CAPN7: variants seen among roughly 807,000 people sequenced by gnomAD.
The protein encoded by CAPN7 is calpain-7.
In CAPN7, 72 loss-of-function variants were observed where a neutral mutation model predicts 115.2. The ratio of observed to expected loss-of-function variants is 0.63; its 90% CI spans 0.52 to 0.76. CAPN7 has a LOEUF of 0.76. CAPN7 is among the 30% of genes least tolerant of loss of function. The probability of loss-of-function intolerance (pLI) is 0.00; values close to 1 mark genes in which losing one functional copy is unlikely to be tolerated. For synonymous variants in CAPN7, 344 were observed against 322.3 expected, an observed-to-expected ratio of 1.07 and a Z score of -0.72; for missense variants, 905 against 971.5, an observed-to-expected ratio of 0.93 and a Z score of 0.91.
chr3:15,250,490 G>GA (rs1487948148), intron 19 of CAPN7, among the ~76,000 whole-genome samples: 4 of 152,116 alleles, frequency 2.6e-5, no homozygotes, highest in African/African-American at 9.7e-5. Context: ...CCAACATGAT[G>GA]AAACCCCGTC....
rs143579656 is a variant in CAPN7, at chr3:15,242,240, A to C, written c.1851A>C (p.Lys617Asn). The C allele has an allele frequency of 6.3e-7, 1 of 1,594,682 alleles. No homozygotes were observed. Among genetic ancestry groups the C allele is most frequent in the Non-Finnish European group, 8.5e-7 (1 of 1,171,978 alleles). Residue 617 changes from lysine (K) to asparagine (N), a missense_variant, in exon 16 of 21, where the codon AAA becomes AAC. Physicochemically the swap from Lys to Asn is moderately conservative, Grantham distance 94 (BLOSUM62 0). Transcript: ENST00000253693. ...TTGTATACAAGACTGATGGGAAAAA[A>C]GTTTATTACCCAGGTATGTTTAGTA... ...TMVVYKTDGK[K>N]VYYPADPPPY...
chr3:15,222,825 C>A (rs1694081401), intron 5 of CAPN7, among the ~76,000 whole-genome samples: 1 of 152,158 alleles, frequency 6.6e-6, no homozygotes, highest in Admixed American at 6.5e-5. Flanking sequence ...CTATTCCTGA[C>A]TATATTAAGT....
intron 4 of CAPN7, among the ~76,000 whole-genome samples, chr3:15,220,221 A>G (rs1325198395): frequency 6.6e-6 from 1 of 152,086 alleles, no homozygotes; most frequent in Non-Finnish European, 1.5e-5. Context: ...TAAAAAATTT[A>G]AAAAAGAAAT....
chr3:15,247,276 G>T, intron 18 of CAPN7, 51 bp from the exon 19 acceptor site: 5 of 1,253,184 alleles, frequency 4.0e-6, no homozygotes, highest in African/African-American at 3.3e-5. Context: ...TTGTCTTTAA[G>T]TGGAATTGGA....
chr3:15,213,526 T>C lies in CAPN7; in HGVS notation c.211+1314T>C, dbSNP rs556575477. 1.6e-4 allele frequency among the ~76,000 whole-genome samples: 25 copies of C among 152,338 alleles called. No individual in the cohort carries two copies. In the South Asian group the frequency reaches 2.7e-3, roughly 16 times the overall value. ...AGAAAGGAGAGATTATATGGTGATA[T>C]TATTCCAGGAGTAGAATCTCTGGCA... On this transcript the variant is annotated intron_variant, in intron 2 of 20. Coordinates refer to ENST00000253693, the MANE Select transcript of CAPN7 (RefSeq NM_014296.3).
rs566674844 is a variant in CAPN7, at chr3:15,223,479, A to G, written c.643A>G (p.Thr215Ala). The G allele has an allele frequency of 1.2e-6, 2 of 1,601,158 alleles. No homozygotes were observed. The highest frequency in any genetic ancestry group is 2.7e-5 in the African/African-American group (2 of 74,656). ...TTTTTTTCTCGTGTTTGATAGGACA[A>G]CATCAAAAATAAATGGTATAGAATA... is the stretch of plus-strand genomic sequence containing the variant. ...TAEEIEVLRT[T>A]SKINGIEYVP... The change falls in exon 6 of 21, where the codon ACA becomes GCA. Residue 215 changes from threonine to alanine, a missense_variant. Physicochemically the swap from Thr to Ala is moderately conservative, Grantham distance 58. Around this residue, in one of 3 missense-constraint regions of CAPN7, gnomAD observed 14 missense variants for 28.5 expected, o/e 0.49. Coordinates refer to ENST00000253693, the MANE Select transcript of CAPN7 (RefSeq NM_014296.3).
intron 5 of CAPN7, among the ~76,000 whole-genome samples, chr3:15,222,544 T>A (rs1694065362): frequency 6.6e-6 from 1 of 152,218 alleles, no homozygotes; most frequent in Admixed American, 6.5e-5. Flanking sequence ...ATTGTAATTG[T>A]ACTCCTGCTA....
rs772805854 is a variant in CAPN7 at position 15,230,549 on chromosome 3, C to G, written c.1032+14C>G. 6.9e-7 allele frequency: 1 copy of G among 1,441,474 alleles called. No individual in the cohort carries two copies. The allele number at this position is 1,441,474 out of a possible 1,614,324, so 89.3% of individuals were successfully genotyped here. A position where few individuals can be genotyped will look rare whatever the true frequency, so the allele number is the denominator to read the frequency against. ...GTCCCAAGAAAGGTGAATAATGTCT[C>G]TCCCCACTCCCATCCCTTGTCTCTC... On this transcript the variant is annotated intron_variant, in intron 9 of 20. Transcript: ENST00000253693.
chr3:15,210,957 C>G (rs773191956), intron 1 of CAPN7: 92 of 1,143,772 alleles, frequency 8.0e-5, no homozygotes, highest in Non-Finnish European at 9.6e-5. Context: ...CTTTGCTTTT[C>G]TAGGTGGTAG....
Position 15,251,348 on chromosome 3 carries a change from C to A in CAPN7, c.*88C>A. The A allele has an allele frequency of 4.5e-6, 5 of 1,102,156 alleles. No homozygotes were observed. The highest frequency in any genetic ancestry group is 6.5e-6 in the Non-Finnish European group (5 of 765,504). The allele number at this position is 1,102,156 out of a possible 1,614,324, so 68.3% of individuals were successfully genotyped here. A position where few individuals can be genotyped will look rare whatever the true frequency, so the allele number is the denominator to read the frequency against. On this transcript the variant is annotated 3_prime_UTR_variant, in exon 21 of 21. Coordinates refer to ENST00000253693, the MANE Select transcript of CAPN7 (RefSeq NM_014296.3). ...CAAATCTTCAGGACAGTAAGCAGAA[C>A]AATCAGAATGGAATTAAATCTCTAA...
intron 16 of CAPN7, among the ~76,000 whole-genome samples, chr3:15,244,966 AAC>A (rs1695569590): frequency 1.3e-5 from 2 of 152,140 alleles, no homozygotes; most frequent in Non-Finnish European, 1.5e-5. Flanking sequence ...TTATACCAGA[AAC>A]AGTTATTTTT....
At chr3:15,246,580 G>A (rs1695671579) in intron 17 of CAPN7, 152 bp from the exon 18 acceptor site, 1 of 614,576 alleles carries the variant, frequency 1.6e-6, no homozygotes, top group Non-Finnish European at 2.9e-6. Flanking sequence ...TAGCTTCTCA[G>A]TTCCCAGCTC....
chr3:15,208,771 A>T (rs779973317), intron 1 of CAPN7, among the ~76,000 whole-genome samples: 1 of 152,196 alleles, frequency 6.6e-6, no homozygotes, highest in Non-Finnish European at 1.5e-5. Context: ...ATCAAAGGGT[A>T]TGAGCTTCCA....
intron 12 of CAPN7, among the ~76,000 whole-genome samples, chr3:15,237,030 GTA>G (rs1695032659): frequency 6.6e-6 from 1 of 152,152 alleles, no homozygotes; most frequent in Non-Finnish European, 1.5e-5. Flanking sequence ...AGTGGTGGTT[GTA>G]TACCAACTTT....
At position 15,212,112 on chromosome 3, in the gene CAPN7, A is replaced by G; in HGVS notation, c.111A>G (p.Ala37=). 5 of 1,601,222 alleles carry G rather than the reference A, an allele frequency of 3.1e-6. No homozygotes were observed. The highest frequency in any genetic ancestry group is 3.4e-6 in the Non-Finnish European group (4 of 1,174,006). The change falls in exon 2 of 21, where the codon GCA becomes GCG. Residue 37 remains alanine (A), a synonymous_variant. Coordinates refer to ENST00000253693, the MANE Select transcript of CAPN7 (RefSeq NM_014296.3). Reference sequence around the variant, plus strand: ...AATTCTTTCATTTTTAGGAAGCTGCACAAGCCTTAATTTATGCTGAGATGG... The same window carrying G: ...AATTCTTTCATTTTTAGGAAGCTGCGCAAGCCTTAATTTATGCTGAGATGG... ...SEAVFYYKEA[A]QALIYAEMAG...
chr3:15,213,747 C>T (rs899295968), intron 2 of CAPN7, among the ~76,000 whole-genome samples: 53 of 151,974 alleles, frequency 3.5e-4, no homozygotes, highest in Non-Finnish European at 3.5e-4. Context: ...TACAGCTAAG[C>T]CTAAAAACTT....
intron 9 of CAPN7, among the ~76,000 whole-genome samples, chr3:15,231,382 C>T (rs1694677206): frequency 1.3e-5 from 2 of 152,044 alleles, no homozygotes; most frequent in Admixed American, 6.6e-5. Flanking sequence ...AGCCATTTTA[C>T]CTGATTTACT....
intron 15 of CAPN7, 37 bp downstream of exon 15, chr3:15,241,625 T>C: frequency 6.3e-7 from 1 of 1,584,390 alleles, no homozygotes; most frequent in Non-Finnish European, 8.6e-7. Context: ...CATACAGAAA[T>C]TTTTTTAATA....
At chr3:15,235,985 A>C (rs1197955579) in intron 12 of CAPN7, among the ~76,000 whole-genome samples, 1 of 152,124 alleles carries the variant, frequency 6.6e-6, no homozygotes, top group Non-Finnish European at 1.5e-5. Context: ...CCTGGGCAAC[A>C]TAGTAAGACC....
Sources: allele counts gnomAD v4.1 joint callset (sites outside exome capture counted in the v4.1 genomes callset), GRCh38; gene constraint gnomAD v4.1.1; regional missense constraint gnomAD v4.1.1; transcripts MANE v1.5; gene names NCBI Gene and HGNC (gene_info 2026-07-23, HGNC 2026-07-21).